SYTL2: variants seen among roughly 807,000 people sequenced by gnomAD.
SYTL2 encodes the protein synaptotagmin like 2, also known as synaptotagmin-like protein 2.
Under a neutral mutation model 198.7 loss-of-function variants are expected in SYTL2, and 165 were observed. The ratio of observed to expected loss-of-function variants is 0.83; its 90% CI spans 0.73 to 0.94. The LOEUF (loss-of-function observed/expected upper bound fraction) is 0.94. SYTL2 is among the 40% of genes least tolerant of loss of function. The pLI, the probability that SYTL2 is intolerant of heterozygous loss-of-function variation, is 0.00. For synonymous variants in SYTL2, 966 were observed against 917.7 expected, an observed-to-expected ratio of 1.05 and a Z score of -0.95; for missense variants, 2,835 against 2,582.8, an observed-to-expected ratio of 1.10 and a Z score of -2.12.
chr11:85,783,109 T>C (rs1419161451), intron 1 of SYTL2, among the ~76,000 whole-genome samples: 1 of 152,154 alleles, frequency 6.6e-6, no homozygotes, highest in Non-Finnish European at 1.5e-5. Flanking sequence ...AATAAAGACA[T>C]ACCCGAGACT....
chr11:85,790,272 C>G (rs1222598795), intron 1 of SYTL2, among the ~76,000 whole-genome samples: 2 of 152,088 alleles, frequency 1.3e-5, no homozygotes. Context: ...AGATGCTCAA[C>G]CTGTATACAA....
At chr11:85,743,653 G>T (rs1209025527) in intron 4 of SYTL2, among the ~76,000 whole-genome samples, 1 of 152,158 alleles carries the variant, frequency 6.6e-6, no homozygotes, top group Non-Finnish European at 1.5e-5. Context: ...TGCTAATCTT[G>T]AATACTATGT....
At chr11:85,709,973 G>A (rs1277552232) in intron 13 of SYTL2, among the ~76,000 whole-genome samples, 1 of 152,210 alleles carries the variant, frequency 6.6e-6, no homozygotes, top group Non-Finnish European at 1.5e-5. Context: ...ATGAGCCACC[G>A]CGCCCAGCCG....
chr11:85,747,087 A>T (rs539403396), intron 3 of SYTL2, among the ~76,000 whole-genome samples: 1 of 152,342 alleles, frequency 6.6e-6, no homozygotes, highest in African/African-American at 2.4e-5. Flanking sequence ...TACATGGACT[A>T]AGCCAGAGTT....
In SYTL2 at chr11:85,727,306, T is replaced by G; in HGVS notation, c.2052A>C (p.Pro684=). The change falls in exon 8 of 20, where the codon CCA becomes CCC. Residue 684 remains proline (P), a synonymous_variant. Transcript: ENST00000359152. ...AGTTGCCAATATTATTAGTGTTGCA[T>G]GGAACTTGGTTTTCTGCATCAGATT... ...LKESDAENQV[P]CNTNNIGNLG... is the part of the protein sequence containing the mutation. 6.5e-7 allele frequency: 1 copy of G among 1,535,744 alleles called. No individual in the cohort carries two copies.
Position 85,781,035 on chromosome 11 carries a change from T to C in SYTL2, c.-389-22921A>G, listed in dbSNP as rs182231329. Among the ~76,000 whole-genome samples, 133 of 152,296 alleles carry C rather than the reference T, an allele frequency of 8.7e-4. 1 individual carries two copies. Among genetic ancestry groups the C allele is most frequent in the African/African-American group, 3.0e-3 (126 of 41,568 alleles). On this transcript the variant is annotated intron_variant, in intron 1 of 19. Transcript: ENST00000359152. ...TGGGGTACAGAAGTGTTCTGCGCTG[T>C]GGTGAGTAGAGAATAGGAAGAACAC...
chr11:85,703,346 T>C (rs1176476626), intron 16 of SYTL2, among the ~76,000 whole-genome samples: 2 of 152,158 alleles, frequency 1.3e-5, no homozygotes, highest in Non-Finnish European at 2.9e-5. Context: ...CTCATTATAG[T>C]ACAATTGCTA....
chr11:85,803,187 G>A (rs1274905699), intron 1 of SYTL2, among the ~76,000 whole-genome samples: 1 of 152,224 alleles, frequency 6.6e-6, no homozygotes, highest in Non-Finnish European at 1.5e-5. Context: ...AAAGGTTCAA[G>A]AATGCATATT....
At chr11:85,834,816 T>C in the SYTL2 span, among the ~76,000 whole-genome samples, 3 of 151,800 alleles carry the variant, frequency 2.0e-5, no homozygotes, top group Admixed American at 6.6e-5. Context: ...GGTTGGAATG[T>C]AGTGGCACAA....
intron 8 of SYTL2, among the ~76,000 whole-genome samples, chr11:85,723,795 C>T (rs2088699047): frequency 6.7e-6 from 1 of 150,050 alleles, no homozygotes; most frequent in South Asian, 2.1e-4. Context: ...TTAAGAAAGT[C>T]TCAGGAACAC....
At chr11:85,729,290 C>G (rs532034145) in intron 7 of SYTL2, among the ~76,000 whole-genome samples, 17 of 152,306 alleles carry the variant, frequency 1.1e-4, no homozygotes, top group Admixed American at 5.2e-4. Flanking sequence ...AATACACGTT[C>G]TTCTCAGCAC....
chr11:85,771,046 T>C (rs995570807), intron 1 of SYTL2, among the ~76,000 whole-genome samples: 3 of 152,236 alleles, frequency 2.0e-5, no homozygotes, highest in Non-Finnish European at 2.9e-5. Context: ...AACACAGTAA[T>C]TATTCAATAA....
chr11:85,714,710 G>C, intron 11 of SYTL2: 14 of 1,243,704 alleles, frequency 1.1e-5, no homozygotes, highest in African/African-American at 1.6e-5. Context: ...AACTAGCAAG[G>C]AGTTGAACCA....
At chr11:85,821,771 CA>C in the SYTL2 span, among the ~76,000 whole-genome samples, 1 of 152,124 alleles carries the variant, frequency 6.6e-6, no homozygotes, top group Non-Finnish European at 1.5e-5. Context: ...ACAGCAGAGC[CA>C]AGACAAACAT....
chr11:85,851,787 T>C, the SYTL2 span, among the ~76,000 whole-genome samples: 1 of 152,242 alleles, frequency 6.6e-6, no homozygotes, highest in Non-Finnish European at 1.5e-5. Flanking sequence ...AATCACAAAT[T>C]GCTTTTCTAT....
intron 2 of SYTL2, among the ~76,000 whole-genome samples, chr11:85,756,702 G>C (rs918022660): frequency 6.6e-6 from 1 of 152,164 alleles, no homozygotes; most frequent in African/African-American, 2.4e-5. Flanking sequence ...TATTTTAGTA[G>C]TCATAATCAG....
chr11:85,718,961 G>T, intron 9 of SYTL2, 118 bp from the exon 10 acceptor site: 1 of 1,542,268 alleles, frequency 6.5e-7, no homozygotes, highest in Middle Eastern at 1.7e-4. Context: ...GCAATGAGGG[G>T]TGCAACCAAG....
chr11:85,806,216 A>T (rs1425092833), intron 1 of SYTL2, among the ~76,000 whole-genome samples: 1 of 152,242 alleles, frequency 6.6e-6, no homozygotes, highest in Non-Finnish European at 1.5e-5. Flanking sequence ...CAGGGGCTCA[A>T]TCTTTTCCTA....
At chr11:85,737,268 T>C (rs2090423053) in intron 5 of SYTL2, among the ~76,000 whole-genome samples, 1 of 152,186 alleles carries the variant, frequency 6.6e-6, no homozygotes, top group African/African-American at 2.4e-5. Context: ...GAATAAGGAC[T>C]GACATGGAAC....
Sources: allele counts gnomAD v4.1 joint callset (sites outside exome capture counted in the v4.1 genomes callset), GRCh38; gene constraint gnomAD v4.1.1; transcripts MANE v1.5; gene names NCBI Gene and HGNC (gene_info 2026-07-23, HGNC 2026-07-21).